The following DCDC2 variants were observed in gnomAD, a reference collection of about 807,000 sequenced individuals.
DCDC2 encodes doublecortin domain-containing protein 2.
Under a neutral mutation model 50.2 loss-of-function variants are expected in DCDC2, and 40 were observed. The observed-to-expected ratio is 0.80, with a 90% CI of 0.62 to 1.04. DCDC2 has a LOEUF of 1.04. DCDC2 is among the 50% of genes least tolerant of loss of function. The pLI is 0.00. For missense variants in DCDC2, 570 were observed against 581.9 expected (o/e 0.98, Z 0.21); for synonymous variants, 234 against 210.6 (o/e 1.11, Z -0.96).
chr6:24,264,140 G>C (rs1354796701), intron 7 of DCDC2, among the ~76,000 whole-genome samples: 2 of 152,108 alleles, frequency 1.3e-5, no homozygotes, highest in Admixed American at 6.6e-5. Context: ...TCCAGCAAAA[G>C]TATCTTTCAA....
intron 2 of DCDC2, among the ~76,000 whole-genome samples, chr6:24,317,785 C>G (rs1759698880): frequency 6.8e-6 from 1 of 148,064 alleles, no homozygotes; most frequent in Non-Finnish European, 1.5e-5. Context: ...AAAAAGAACT[C>G]TTTATACAAA....
chr6:24,212,682 C>G (rs1489915478), intron 7 of DCDC2, among the ~76,000 whole-genome samples: 1 of 152,152 alleles, frequency 6.6e-6, no homozygotes, highest in African/African-American at 2.4e-5. Flanking sequence ...ACACTACACC[C>G]AAATTCAGCT....
At chr6:24,265,087 G>A (rs1246207013) in intron 7 of DCDC2, among the ~76,000 whole-genome samples, 1 of 152,074 alleles carries the variant, frequency 6.6e-6, no homozygotes, top group African/African-American at 2.4e-5. Context: ...GATCACTTGA[G>A]CCCAGGAGTT....
At chr6:24,180,626 G>A (rs114312523) in intron 8 of DCDC2, among the ~76,000 whole-genome samples, 3,810 of 151,960 alleles carry the variant, frequency 0.025, 77 homozygotes, top group African/African-American at 0.053. Flanking sequence ...TGATTTATTT[G>A]GTGTTAAGAT....
chr6:24,262,444 A>C (rs191490107), intron 7 of DCDC2, among the ~76,000 whole-genome samples: 20 of 152,356 alleles, frequency 1.3e-4, no homozygotes, highest in Admixed American at 5.9e-4. Flanking sequence ...CAAAGAGTGC[A>C]ACTCCTGGGA....
chr6:24,224,075 A>C (rs1345818730), intron 7 of DCDC2, among the ~76,000 whole-genome samples: 1 of 152,184 alleles, frequency 6.6e-6, no homozygotes, highest in Non-Finnish European at 1.5e-5. Flanking sequence ...AGACAGAAAA[A>C]AAAAAGGAAG....
rs898367635 is a variant in DCDC2, at chr6:24,173,808, A to G, written c.*922T>C. ...AACAAGTTAAATTGAGCAGTCACAA[A>G]CTCTTCATATAGTCTACTTTTTTCT... On this transcript the variant is annotated 3_prime_UTR_variant, in exon 10 of 10. Transcript: ENST00000378454. 1.8e-4 allele frequency: 27 copies of G among 152,132 alleles called. No individual in the cohort carries two copies. The highest frequency in any genetic ancestry group is 3.7e-4 in the Non-Finnish European group (25 of 68,032). 9.4% of individuals were successfully genotyped at this position (152,132 alleles called of 1,614,324 possible).
At chr6:24,291,484 T>A (rs1723680899) in intron 4 of DCDC2, among the ~76,000 whole-genome samples, 1 of 103,424 alleles carries the variant, frequency 9.7e-6, no homozygotes, top group Non-Finnish European at 2.1e-5. Context: ...ATACTTTTTT[T>A]TTTTTTTTTT....
chr6:24,295,887 G>A (rs983511604), intron 4 of DCDC2, among the ~76,000 whole-genome samples: 2 of 152,078 alleles, frequency 1.3e-5, no homozygotes, highest in African/African-American at 4.8e-5. Context: ...TCATGAAAAT[G>A]GCCATATACT....
At chr6:24,308,081 C>T (rs1318636643) in intron 2 of DCDC2, among the ~76,000 whole-genome samples, 1 of 152,188 alleles carries the variant, frequency 6.6e-6, no homozygotes, top group Non-Finnish European at 1.5e-5. Flanking sequence ...AGAGCAAGTC[C>T]ACACCACCCA....
chr6:24,277,699 T>A (rs1763390015), intron 7 of DCDC2, among the ~76,000 whole-genome samples: 1 of 152,138 alleles, frequency 6.6e-6, no homozygotes, highest in African/African-American at 2.4e-5. Context: ...ATAATGAATG[T>A]GGGCAAGGGT....
At chr6:24,186,320 T>A (rs189222958) in intron 8 of DCDC2, among the ~76,000 whole-genome samples, 29 of 152,366 alleles carry the variant, frequency 1.9e-4, no homozygotes, top group Non-Finnish European at 3.7e-4. Flanking sequence ...ACATGCAGTT[T>A]CTCATTTTAT....
intron 7 of DCDC2, among the ~76,000 whole-genome samples, chr6:24,230,112 A>T (rs566500764): frequency 6.6e-6 from 1 of 152,340 alleles, no homozygotes; most frequent in South Asian, 2.1e-4. Context: ...TAAAAATCTT[A>T]TTTTAATTCA....
chr6:24,349,036 T>A (rs1760315940), intron 2 of DCDC2, among the ~76,000 whole-genome samples: 1 of 152,212 alleles, frequency 6.6e-6, no homozygotes, highest in Non-Finnish European at 1.5e-5. Flanking sequence ...ATGTCATTAA[T>A]TCCACCTTGA....
At chr6:24,236,482 T>C (rs1040340714) in intron 7 of DCDC2, among the ~76,000 whole-genome samples, 10 of 152,214 alleles carry the variant, frequency 6.6e-5, no homozygotes, top group African/African-American at 2.4e-4. Flanking sequence ...GACATTGGCC[T>C]TGGCAAAGAA....
At chr6:24,224,597 A>C (rs1762189253) in intron 7 of DCDC2, among the ~76,000 whole-genome samples, 1 of 152,200 alleles carries the variant, frequency 6.6e-6, no homozygotes, top group Non-Finnish European at 1.5e-5. Flanking sequence ...GGGGTGGCAG[A>C]AGCCGGAAGG....
intron 7 of DCDC2, among the ~76,000 whole-genome samples, chr6:24,211,440 C>A (rs942933856): frequency 6.6e-6 from 1 of 152,060 alleles, no homozygotes; most frequent in South Asian, 2.1e-4. Context: ...ACATCCTGAT[C>A]GTAAGAAACT....
chr6:24,231,435 T>C (rs1388849893), intron 7 of DCDC2, among the ~76,000 whole-genome samples: 1 of 152,188 alleles, frequency 6.6e-6, no homozygotes, highest in Non-Finnish European at 1.5e-5. Flanking sequence ...ACTCTTTCTC[T>C]GGAAAAATTA....
chr6:24,327,483 T>TTGATTG lies in DCDC2; in HGVS notation c.349-25440_349-25439insCAATCA, dbSNP rs1554119344. On this transcript the variant is annotated intron_variant, in intron 2 of 9. Transcript: ENST00000378454. ...TTATTTATTTATTTATTTATTTATT[T>TTGATTG]ATTGGCTGATACGGAGTTTTGCTCT... is the stretch of plus-strand genomic sequence containing the variant. Among the ~76,000 whole-genome samples, 274 of 144,134 alleles carry TTGATTG rather than the reference T, an allele frequency of 1.9e-3. 18 individuals are homozygous for TTGATTG. Among genetic ancestry groups the TTGATTG allele is most frequent in the Admixed American group, 2.7e-3 (39 of 14,494 alleles). The allele number at this position is 144,134 out of a possible 152,430, so 94.6% of individuals were successfully genotyped here.
Sources: allele counts gnomAD v4.1 joint callset (sites outside exome capture counted in the v4.1 genomes callset), GRCh38; gene constraint gnomAD v4.1.1; transcripts MANE v1.5; gene names NCBI Gene and HGNC (gene_info 2026-07-23, HGNC 2026-07-21).